The following NFIB variants were observed in gnomAD, a reference collection of about 807,000 sequenced individuals.
NFIB encodes nuclear factor 1 B-type.
Under a neutral mutation model 61.5 loss-of-function variants are expected in NFIB, and 11 were observed. That is an observed-to-expected ratio of 0.18 (90% CI 0.11 to 0.30). The LOEUF (loss-of-function observed/expected upper bound fraction) is 0.30. Among genes scored for constraint, NFIB ranks in the 10% least tolerant of loss-of-function variants. NFIB has a pLI of 1.00. For missense variants in NFIB, 471 were observed against 608.9 expected (o/e 0.77, Z 2.38); for synonymous variants, 260 against 216.5 (o/e 1.20, Z -1.76).
the NFIB span, among the ~76,000 whole-genome samples, chr9:14,404,394 C>T: frequency 7.9e-5 from 12 of 152,284 alleles, no homozygotes; most frequent in African/African-American, 2.4e-4. Context: ...AGCAAACCTT[C>T]AGAAATCTTG....
the NFIB span, among the ~76,000 whole-genome samples, chr9:14,505,517 G>C: frequency 1.3e-5 from 2 of 152,094 alleles, no homozygotes; most frequent in African/African-American, 2.4e-5. Flanking sequence ...TCTGGTCTAG[G>C]GGTCACCCCC....
chr9:14,287,304 A>G (rs912393473), intron 2 of NFIB, among the ~76,000 whole-genome samples: 215 of 150,740 alleles, frequency 1.4e-3, no homozygotes, highest in African/African-American at 5.1e-3. Context: ...GGTGGCGGGC[A>G]CCTGTAGTCC....
chr9:14,496,224 G>C, the NFIB span, among the ~76,000 whole-genome samples: 2 of 152,168 alleles, frequency 1.3e-5, no homozygotes, highest in African/African-American at 4.8e-5. Flanking sequence ...TCTATAGTGA[G>C]ACATCTTGGG....
At chr9:14,278,860 A>G (rs968257976) in intron 2 of NFIB, among the ~76,000 whole-genome samples, 5 of 152,176 alleles carry the variant, frequency 3.3e-5, no homozygotes, top group African/African-American at 1.2e-4. Context: ...CTTATAAACT[A>G]CAGGCATACT....
At chr9:14,504,568 GTATTT>G in the NFIB span, among the ~76,000 whole-genome samples, 1 of 152,100 alleles carries the variant, frequency 6.6e-6, no homozygotes, top group Non-Finnish European at 1.5e-5. Context: ...GTATTCCTAA[GTATTT>G]TATTTATTTT....
In NFIB at chr9:14,307,265, C is replaced by T. The variant is rs375679999; in HGVS notation, c.286G>A (p.Val96Met). ...CAGCACGGGTGCTTCTTGCCAGTCA[C>T]GGTGAGCACAAAGTCCTCTCGATAC... Reference protein sequence around the residue: ...QEYREDFVLTVTGKKHPCCVL... With the variant: ...QEYREDFVLTMTGKKHPCCVL... The change falls in exon 2 of 11, where the codon GTG becomes ATG. Residue 96 changes from valine (V) to methionine (M), a missense_variant. Around this residue, in one of 2 missense-constraint regions of NFIB, gnomAD observed 99 missense variants for 213.3 expected, o/e 0.46. Coordinates refer to ENST00000380953, the MANE Select transcript of NFIB (RefSeq NM_001190737.2). This position sits in a 1 kb window ranked among gnomAD's most constrained non-coding sequence, Gnocchi z 5.3. The T allele has an allele frequency of 1.5e-5, 25 of 1,613,874 alleles. No homozygotes were observed. The African/African-American group carries it at 2.3e-4, about 15-fold the overall frequency.
chr9:14,247,664 A>G lies in NFIB; in HGVS notation c.562+59325T>C, dbSNP rs939081607. 3.9e-5 allele frequency among the ~76,000 whole-genome samples: 6 copies of G among 152,366 alleles called. No individual in the cohort carries two copies. The East Asian group carries it at 7.7e-4, about 20-fold the overall frequency. ...ATATAATTTCACTGGATATAAAATT[A>G]AAGCAAGATTTTAATACTTACCTTG... On this transcript the variant is annotated intron_variant, in intron 2 of 10. Coordinates refer to ENST00000380953, the MANE Select transcript of NFIB (RefSeq NM_001190737.2).
At chr9:14,471,464 A>C in the NFIB span, among the ~76,000 whole-genome samples, 9 of 152,222 alleles carry the variant, frequency 5.9e-5, no homozygotes, top group African/African-American at 1.9e-4. Context: ...ATTTTATAGG[A>C]ATAAGAATGT....
chr9:14,306,530 CA>C (rs1401788820), intron 2 of NFIB, among the ~76,000 whole-genome samples: 2 of 152,008 alleles, frequency 1.3e-5, no homozygotes, highest in African/African-American at 4.8e-5. Context: ...AGTTCATAAA[CA>C]AAGTCCCTCT....
At chr9:14,253,691 G>GA (rs2055906762) in intron 2 of NFIB, among the ~76,000 whole-genome samples, 1 of 151,898 alleles carries the variant, frequency 6.6e-6, no homozygotes, top group Non-Finnish European at 1.5e-5. Context: ...ATAAAAAAAA[G>GA]AAAAAAATGT....
chr9:14,402,390 A>C (rs1421045232), upstream of NFIB, among the ~76,000 whole-genome samples: 1 of 152,224 alleles, frequency 6.6e-6, no homozygotes, highest in East Asian at 1.9e-4. Flanking sequence ...GCTTAAACAA[A>C]AGAAAAATGA....
At chr9:14,130,416 G>C (rs1430574407) in intron 6 of NFIB, among the ~76,000 whole-genome samples, 1 of 152,050 alleles carries the variant, frequency 6.6e-6, no homozygotes, top group Non-Finnish European at 1.5e-5. Flanking sequence ...CTTATTCCAC[G>C]CATAGAACAA....
At chr9:14,262,582 G>T (rs2056855753) in intron 2 of NFIB, among the ~76,000 whole-genome samples, 1 of 152,142 alleles carries the variant, frequency 6.6e-6, no homozygotes, top group Non-Finnish European at 1.5e-5. Flanking sequence ...AGAAAAAAGG[G>T]TTAGAATTGA....
At chr9:14,453,985 G>A in the NFIB span, among the ~76,000 whole-genome samples, 1 of 152,102 alleles carries the variant, frequency 6.6e-6, no homozygotes, top group African/African-American at 2.4e-5. Context: ...GGCTGAGGCA[G>A]GAGAATCGCT....
At chr9:14,472,704 C>G in the NFIB span, among the ~76,000 whole-genome samples, 3 of 151,620 alleles carry the variant, frequency 2.0e-5, no homozygotes, top group South Asian at 2.1e-4. Context: ...AGCCGGGCGT[C>G]GTGGCGGGCG....
At chr9:14,229,673 C>T (rs2052876400) in intron 2 of NFIB, among the ~76,000 whole-genome samples, 1 of 152,114 alleles carries the variant, frequency 6.6e-6, no homozygotes, top group Non-Finnish European at 1.5e-5. Context: ...GCTTAATTTC[C>T]TCATCATTTG....
chr9:14,102,924 T>C (rs1471694409), intron 10 of NFIB, among the ~76,000 whole-genome samples: 2 of 152,202 alleles, frequency 1.3e-5, no homozygotes, highest in African/African-American at 2.4e-5. Flanking sequence ...ACTTTAAGCA[T>C]GCAGTTTGCA....
Position 14,307,611 on chromosome 9 carries a change from T to A in NFIB, c.31-91A>T. 8.2e-7 allele frequency: 1 copy of A among 1,215,848 alleles called. No homozygotes were observed. The highest frequency in any genetic ancestry group is 1.1e-6 in the Non-Finnish European group (1 of 898,798). 75.3% of individuals were successfully genotyped at this position (1,215,848 alleles called of 1,614,324 possible). A position where few individuals can be genotyped will look rare whatever the true frequency, so the allele number is the denominator to read the frequency against. ...TAAGAAAAGAAGACCACAACCCGTTTCCAATTCAGTACAAAAAGTTATACA... is the reference window on the plus strand; with the variant it reads ...TAAGAAAAGAAGACCACAACCCGTTACCAATTCAGTACAAAAAGTTATACA... On this transcript the variant is annotated intron_variant, in intron 1 of 10. Transcript: ENST00000380953. The surrounding 1 kb of genome is among the most constrained non-coding windows in gnomAD (Gnocchi z 5.3).
chr9:14,189,695 T>C (rs754219503), intron 2 of NFIB, among the ~76,000 whole-genome samples: 22 of 150,954 alleles, frequency 1.5e-4, no homozygotes, highest in Non-Finnish European at 2.1e-4. Context: ...GCAACTCTTC[T>C]GCTACATTTT....
Sources: gnomAD v4.1 joint callset for allele counts (sites outside exome capture counted in the v4.1 genomes callset) on GRCh38, gnomAD v4.1.1 for gene constraint, gnomAD v4.1.1 regional missense constraint, Gnocchi (gnomAD v3.1) non-coding constraint, MANE v1.5 for transcripts, NCBI Gene and HGNC (gene_info 2026-07-23, HGNC 2026-07-21) for gene names.